Variants in ZNF385D observed in about 807,000 individuals in gnomAD.
The protein encoded by ZNF385D is zinc finger protein 385D.
A neutral mutation model predicts 35.8 loss-of-function variants in ZNF385D; 15 were observed. That is an observed-to-expected ratio of 0.42 (90% CI 0.28 to 0.64). The LOEUF is 0.64. ZNF385D is among the 30% of genes least tolerant of loss of function. The probability of loss-of-function intolerance (pLI) is 0.23; values close to 1 mark genes in which losing one functional copy is unlikely to be tolerated. For missense variants in ZNF385D, 474 were observed against 494.6 expected (o/e 0.96, Z 0.39); for synonymous variants, 212 against 186.8 (o/e 1.13, Z -1.10).
At position 21,424,305 on chromosome 3, in the gene ZNF385D, A is replaced by ATATATACT. The variant is rs1575118998; in HGVS notation, c.853-242_853-241insAGTATATA. Among the ~76,000 whole-genome samples, 117 of 48,432 alleles carry ATATATACT rather than the reference A, an allele frequency of 2.4e-3. 1 individual carries two copies. Among genetic ancestry groups the ATATATACT allele is most frequent in the East Asian group, 3.1e-3 (2 of 636 alleles). The allele number at this position is 48,432 out of a possible 152,430, so 31.8% of individuals were successfully genotyped here. A position where few individuals can be genotyped will look rare whatever the true frequency, so the allele number is the denominator to read the frequency against. On this transcript the variant is annotated intron_variant, in intron 6 of 7. Coordinates refer to ENST00000281523, the MANE Select transcript of ZNF385D (RefSeq NM_024697.3). ...TATATACTTATATATATATATTTAT[A>ATATATACT]TATATATATATATTTTTTTTTTTTT...
intron 2 of ZNF385D, among the ~76,000 whole-genome samples, chr3:22,294,077 A>G (rs991395803): frequency 6.6e-6 from 1 of 151,114 alleles, no homozygotes; most frequent in African/African-American, 2.4e-5. Flanking sequence ...TATTTGGAGG[A>G]GGAGGAATGT....
chr3:21,807,335 T>C (rs986038331), intron 3 of ZNF385D, among the ~76,000 whole-genome samples: 1 of 152,188 alleles, frequency 6.6e-6, no homozygotes, highest in Non-Finnish European at 1.5e-5. Flanking sequence ...CCAGTGCAGA[T>C]TTAGAAAATT....
intron 3 of ZNF385D, among the ~76,000 whole-genome samples, chr3:22,103,760 C>T (rs1009686664): frequency 1.0e-4 from 15 of 146,974 alleles, no homozygotes; most frequent in African/African-American, 3.4e-4. Context: ...CTGGTTGTGG[C>T]AGGAAAACCC....
intron 3 of ZNF385D, among the ~76,000 whole-genome samples, chr3:21,891,334 A>T (rs2244467): frequency 4.6e-5 from 7 of 151,902 alleles, no homozygotes; most frequent in African/African-American, 7.3e-5. Flanking sequence ...AAAAAAATAT[A>T]AAAAAATACA....
intron 2 of ZNF385D, among the ~76,000 whole-genome samples, chr3:21,603,534 T>TA (rs2064382012): frequency 6.6e-6 from 1 of 152,144 alleles, no homozygotes; most frequent in African/African-American, 2.4e-5. Flanking sequence ...ATTTTATTTG[T>TA]AAAAAAATAA....
intron 2 of ZNF385D, among the ~76,000 whole-genome samples, chr3:22,293,551 C>T (rs1240300612): frequency 2.0e-5 from 3 of 152,016 alleles, no homozygotes; most frequent in Admixed American, 1.3e-4. Flanking sequence ...GACATCTAGG[C>T]CCAGTATAAG....
rs114372631 is a variant in ZNF385D at position 21,852,798 on chromosome 3, G to A, written c.326-187770C>T. On this transcript the variant is annotated intron_variant, in intron 3 of 5. Coordinates refer to the ZNF385D transcript ENST00000494108. ...TATGAAACTTAATGGAAGGGAGAAG[G>A]GAAGACGGATTAGGATATTGAAAAA... 7.5e-3 allele frequency among the ~76,000 whole-genome samples: 1,137 copies of A among 151,922 alleles called. 15 individuals carry two copies. The highest frequency in any genetic ancestry group is 0.026 in the African/African-American group (1,094 of 41,502).
At chr3:21,991,838 A>G (rs918971967) in intron 3 of ZNF385D, among the ~76,000 whole-genome samples, 1 of 152,184 alleles carries the variant, frequency 6.6e-6, no homozygotes, top group Non-Finnish European at 1.5e-5. Flanking sequence ...AGTGGTAAGA[A>G]GTAGAATTTC....
chr3:21,853,874 T>C (rs1696558743), intron 3 of ZNF385D, among the ~76,000 whole-genome samples: 1 of 151,834 alleles, frequency 6.6e-6, no homozygotes, highest in African/African-American at 2.4e-5. Flanking sequence ...TCCATGTATA[T>C]GAAGTTCAAG....
chr3:21,676,721 T>C (rs772706564), intron 1 of ZNF385D, among the ~76,000 whole-genome samples: 1 of 152,046 alleles, frequency 6.6e-6, no homozygotes, highest in Non-Finnish European at 1.5e-5. Flanking sequence ...TTACTCAAGA[T>C]AAACCACTCG....
intron 4 of ZNF385D, among the ~76,000 whole-genome samples, chr3:21,461,342 A>G (rs1002686456): frequency 6.6e-6 from 1 of 151,642 alleles, no homozygotes; most frequent in Non-Finnish European, 1.5e-5. Context: ...TGAGGTTAGG[A>G]GTTTGAGACC....
At chr3:21,688,799 C>A (rs2067189217) in intron 1 of ZNF385D, among the ~76,000 whole-genome samples, 1 of 152,184 alleles carries the variant, frequency 6.6e-6, no homozygotes, top group Non-Finnish European at 1.5e-5. Context: ...TCCCACTCAA[C>A]AGCTTTGTAT....
At chr3:21,984,186 A>C (rs892992504) in intron 3 of ZNF385D, among the ~76,000 whole-genome samples, 13 of 144,532 alleles carry the variant, frequency 9.0e-5, no homozygotes, top group South Asian at 4.3e-4. Context: ...CCCATTTGTC[A>C]ATTTTGGCTT....
intron 1 of ZNF385D, among the ~76,000 whole-genome samples, chr3:21,678,470 G>A (rs2066797335): frequency 1.3e-5 from 2 of 152,038 alleles, no homozygotes; most frequent in Admixed American, 6.6e-5. Context: ...GTAGAAGTTC[G>A]TGAAGTGACC....
intron 3 of ZNF385D, among the ~76,000 whole-genome samples, chr3:21,758,997 A>C (rs1029193210): frequency 3.4e-5 from 5 of 149,152 alleles, no homozygotes; most frequent in African/African-American, 7.5e-5. Context: ...AAAAAAAAAA[A>C]AAAAAAAAAC....
intron 3 of ZNF385D, among the ~76,000 whole-genome samples, chr3:22,010,006 G>A (rs1696469552): frequency 2.0e-5 from 3 of 151,760 alleles, no homozygotes; most frequent in Admixed American, 6.6e-5. Context: ...GGAAATTGAG[G>A]AAAACAGGTA....
chr3:22,163,202 C>T (rs1706087169), intron 3 of ZNF385D, among the ~76,000 whole-genome samples: 1 of 152,082 alleles, frequency 6.6e-6, no homozygotes, highest in Non-Finnish European at 1.5e-5. Context: ...ATTTAGCAGG[C>T]AAAATTCCTG....
At chr3:22,324,091 A>G (rs1196916717) in intron 2 of ZNF385D, among the ~76,000 whole-genome samples, 3 of 152,024 alleles carry the variant, frequency 2.0e-5, no homozygotes, top group Non-Finnish European at 2.9e-5. Context: ...GCTAAAAAAT[A>G]ATTATAACTT....
chr3:22,048,633 T>G (rs2125522606), intron 3 of ZNF385D, among the ~76,000 whole-genome samples: 1 of 152,300 alleles, frequency 6.6e-6, no homozygotes, highest in South Asian at 2.1e-4. Context: ...TACCATGTTG[T>G]TTTGATTATT....
Sources: allele counts gnomAD v4.1 joint callset (sites outside exome capture counted in the v4.1 genomes callset), GRCh38; gene constraint gnomAD v4.1.1; transcripts MANE v1.5; gene names NCBI Gene and HGNC (gene_info 2026-07-23, HGNC 2026-07-21).